CSF2RA: variants seen among roughly 807,000 people sequenced by gnomAD.
The protein encoded by CSF2RA is granulocyte-macrophage colony-stimulating factor receptor subunit alpha.
CSF2RA carries 42 observed loss-of-function variants against 51.6 expected under a neutral mutation model. The ratio of observed to expected loss-of-function variants is 0.81; its 90% CI spans 0.64 to 1.05. The LOEUF is 1.05. Ranked by LOEUF, CSF2RA falls within the 50% of genes least tolerant of loss-of-function variation. The pLI is 0.00. For synonymous variants in CSF2RA, 222 were observed against 193.0 expected, an observed-to-expected ratio of 1.15 and a Z score of -1.24; for missense variants, 530 against 501.1, an observed-to-expected ratio of 1.06 and a Z score of -0.55.
intron 2 of CSF2RA, among the ~76,000 whole-genome samples, chrX:1,277,411 C>CA (rs1388414868): frequency 8.0e-5 from 12 of 150,224 alleles, no homozygotes; most frequent in African/African-American, 2.7e-4. Flanking sequence ...GCCTGACCAA[C>CA]ATGGTGAAAC....
At chrX:1,285,701 CAAAAAAAAAAAA>C (rs374606414) in intron 3 of CSF2RA, 65 bp from the exon 4 acceptor site, 109,094 of 855,262 alleles carry the variant, frequency 0.13, 1,355 homozygotes, top group Admixed American at 0.15. Context: ...GACTCCGTCT[CAAAAAAAAAAAA>C]AAAAAAAAAA....
intron 2 of CSF2RA, 66 bp from the exon 3 acceptor site, chrX:1,282,612 G>A (rs1395897509): frequency 8.5e-7 from 1 of 1,180,270 alleles, no homozygotes; most frequent in Non-Finnish European, 1.3e-6. Flanking sequence ...ACCTCCCTGG[G>A]GTCCCCTGCC....
At position 1,286,048 on chromosome X, in the gene CSF2RA, G is replaced by A. The variant is rs28621975; in HGVS notation, c.219+128G>A. The A allele has an allele frequency of 0.17, 165,146 of 977,076 alleles. 16,000 individuals carry two copies. The highest frequency in any genetic ancestry group is 0.18 in the Non-Finnish European group (109,286 of 610,828). The allele number at this position is 977,076 out of a possible 1,614,324, so 60.5% of individuals were successfully genotyped here. A position where few individuals can be genotyped will look rare whatever the true frequency, so the allele number is the denominator to read the frequency against. ...AGCACTTTGGGAGGCTGAGGTGGGC[G>A]GATCACCTGAGGTCGGGAGTTCAAG... On this transcript the variant is annotated intron_variant, in intron 4 of 12. Coordinates refer to ENST00000381529, the MANE Select transcript of CSF2RA (RefSeq NM_172245.4).
chrX:1,314,280 C>T (rs1419271007), downstream of CSF2RA, among the ~76,000 whole-genome samples: 8 of 77,228 alleles, frequency 1.0e-4, no homozygotes, highest in Non-Finnish European at 2.5e-4. Context: ...CCTGCCCAAC[C>T]CCACTGCATC....
At position 1,282,274 on chromosome X, in the gene CSF2RA, G is replaced by A. The variant is rs28584401; in HGVS notation, c.-26-404G>A. ...TATGAAAATGAAAACCTGAGCCATC[G>A]TTTATCTTATTTCCCCAAATCCACT... On this transcript the variant is annotated intron_variant, in intron 2 of 12. Transcript: ENST00000381529. 15 of 204,048 alleles carry A rather than the reference G, an allele frequency of 7.4e-5. 1 individual carries two copies. Among genetic ancestry groups the A allele is most frequent in the African/African-American group, 2.5e-4 (11 of 43,154 alleles). 12.6% of individuals were successfully genotyped at this position (204,048 alleles called of 1,614,324 possible).
At chrX:1,323,383 A>C in the CSF2RA span, among the ~76,000 whole-genome samples, 2 of 151,856 alleles carry the variant, frequency 1.3e-5, no homozygotes, top group African/African-American at 4.8e-5. Context: ...AGTTCCTGTT[A>C]TTAAACGTCC....
intron 8 of CSF2RA, among the ~76,000 whole-genome samples, chrX:1,295,208 G>A (rs2091828483): frequency 6.6e-6 from 1 of 152,106 alleles, no homozygotes; most frequent in South Asian, 2.1e-4. Context: ...TTTCTGGATG[G>A]GTTACAGGAA....
chrX:1,321,036 G>A, the CSF2RA span, among the ~76,000 whole-genome samples: 1 of 151,764 alleles, frequency 6.6e-6, no homozygotes. Context: ...CAGACATGGG[G>A]TTTCACCATG....
intron 3 of CSF2RA, among the ~76,000 whole-genome samples, chrX:1,284,430 G>T (rs1207709833): frequency 1.5e-5 from 1 of 65,866 alleles, no homozygotes; most frequent in Non-Finnish European, 3.0e-5. Flanking sequence ...ACTAGTTTTT[G>T]ATTTTTTTTT....
chrX:1,305,095 G>A (rs2083429064), intron 11 of CSF2RA, among the ~76,000 whole-genome samples: 2 of 151,256 alleles, frequency 1.3e-5, no homozygotes, highest in African/African-American at 4.9e-5. Flanking sequence ...CCAGGTTCAA[G>A]CAATTCTCCT....
the CSF2RA span, among the ~76,000 whole-genome samples, chrX:1,315,915 G>C: frequency 6.6e-6 from 1 of 151,754 alleles, no homozygotes; most frequent in Non-Finnish European, 1.5e-5. Context: ...ATGATGGATA[G>C]ATTGATGATA....
intron 3 of CSF2RA, among the ~76,000 whole-genome samples, chrX:1,284,876 AG>A (rs1384581238): frequency 6.6e-6 from 1 of 151,914 alleles, no homozygotes; most frequent in African/African-American, 2.4e-5. Context: ...CACATTGGCC[AG>A]GCTGGTCTCG....
At chrX:1,314,965 C>CCTCTGTGCCTGCCCAATCG, downstream of CSF2RA, among the ~76,000 whole-genome samples, 1 of 54,968 alleles carries the variant, frequency 1.8e-5, no homozygotes, top group Admixed American at 1.6e-4. Context: ...CTGCCCAACC[C>CCTCTGTGCCTGCCCAATCG]CACTGTGCCT....
rs771951786 is a variant in CSF2RA, at chrX:1,293,087, G to C, written c.647-1241G>C. Among the ~76,000 whole-genome samples the C allele has an allele frequency of 5.0e-4, 76 of 152,346 alleles. 1 individual carries two copies. Among genetic ancestry groups the C allele is most frequent in the African/African-American group, 1.7e-3 (70 of 41,574 alleles). ...CACAGCACATGTTTCTGTGAGCACA[G>C]TGTTGGGGCTACAGTTACAGCTTAA... is the stretch of plus-strand genomic sequence containing the variant. On this transcript the variant is annotated intron_variant, in intron 7 of 12. Coordinates refer to ENST00000381529, the MANE Select transcript of CSF2RA (RefSeq NM_172245.4).
chrX:1,285,650 T>G, intron 3 of CSF2RA, 128 bp from the exon 4 acceptor site: 4 of 1,125,862 alleles, frequency 3.6e-6, no homozygotes, highest in Non-Finnish European at 4.9e-6. Context: ...TGCAGTGACC[T>G]GAGATCACAG....
At chrX:1,270,732 C>T (rs113414898) in intron 1 of CSF2RA, among the ~76,000 whole-genome samples, 16,303 of 150,544 alleles carry the variant, frequency 0.11, 1,840 homozygotes, top group African/African-American at 0.29. Flanking sequence ...TCCCAGCCTC[C>T]CTGTTCCCAG....
downstream of CSF2RA, among the ~76,000 whole-genome samples, chrX:1,314,224 C>G (rs35927234): frequency 0.076 from 2,018 of 26,530 alleles, 38 homozygotes; most frequent in East Asian, 0.13. Flanking sequence ...CTGCCCAACC[C>G]CACTGCACCT....
In CSF2RA at chrX:1,288,230, C is replaced by T. The variant is rs748893456; in HGVS notation, c.220-289C>T. Among the ~76,000 whole-genome samples the T allele has an allele frequency of 1.5e-4, 22 of 151,494 alleles. No individual in the cohort carries two copies. In the East Asian group the frequency reaches 4.4e-3, roughly 30 times the overall value. ...GGCATGGTGGCTCACGCCTGTAATC[C>T]CAGCACTTTGGGAGGCCGAGGCGGG... On this transcript the variant is annotated intron_variant, in intron 4 of 12. Coordinates refer to ENST00000381529, the MANE Select transcript of CSF2RA (RefSeq NM_172245.4).
At chrX:1,301,395 A>AT (rs1414870957) in intron 10 of CSF2RA, among the ~76,000 whole-genome samples, 1 of 149,958 alleles carries the variant, frequency 6.7e-6, no homozygotes, top group East Asian at 2.0e-4. Flanking sequence ...ATACGGGGTC[A>AT]TGCAACATTG....
Sources: allele counts gnomAD v4.1 joint callset (sites outside exome capture counted in the v4.1 genomes callset), GRCh38; gene constraint gnomAD v4.1.1; transcripts MANE v1.5; gene names NCBI Gene and HGNC (gene_info 2026-07-23, HGNC 2026-07-21).